The following GABRB1 variants were observed in gnomAD, a reference collection of about 807,000 sequenced individuals.
GABRB1 encodes the protein gamma-aminobutyric acid type A receptor subunit beta1, also known as gamma-aminobutyric acid receptor subunit beta-1.
A neutral mutation model predicts 51.6 loss-of-function variants in GABRB1; 17 were observed. The observed-to-expected ratio is 0.33, with a 90% CI of 0.23 to 0.49. The LOEUF is 0.49. Ranked by LOEUF, GABRB1 falls within the 20% of genes least tolerant of loss-of-function variation. The probability of loss-of-function intolerance (pLI) is 0.99; values close to 1 mark genes in which losing one functional copy is unlikely to be tolerated. For missense variants in GABRB1, 410 were observed against 600.6 expected (o/e 0.68, Z 3.32); for synonymous variants, 247 against 218.9 (o/e 1.13, Z -1.14).
intron 3 of GABRB1, among the ~76,000 whole-genome samples, chr4:47,160,284 G>A (rs1373085096): frequency 6.6e-6 from 1 of 152,080 alleles, no homozygotes; most frequent in African/African-American, 2.4e-5. Context: ...TTCCTGAAAT[G>A]AAACAGGAAT....
chr4:47,296,260 A>C (rs1298054097), intron 4 of GABRB1, among the ~76,000 whole-genome samples: 1 of 152,192 alleles, frequency 6.6e-6, no homozygotes, highest in East Asian at 1.9e-4. Context: ...ACATAACAAT[A>C]TTAACCTTAA....
At position 47,032,084 on chromosome 4, in the gene GABRB1, AAAG is replaced by A. The variant is rs376403161; in HGVS notation, c.172+82_172+84del. On this transcript the variant is annotated intron_variant, in intron 2 of 8. Transcript: ENST00000295454. ...TCAAAGATAAATGTCAAAAAAAAAA[AAAG>A]AAAAGGCATGTCATTTTCGTAAGCG... 4.3e-3 allele frequency: 3,716 copies of A among 867,876 alleles called. 115 individuals carry two copies. The highest frequency in any genetic ancestry group is 6.9e-3 in the East Asian group (238 of 34,470). The allele number at this position is 867,876 out of a possible 1,614,324, so 53.8% of individuals were successfully genotyped here. A position where few individuals can be genotyped will look rare whatever the true frequency, so the allele number is the denominator to read the frequency against.
chr4:47,235,480 C>T, intron 4 of GABRB1, among the ~76,000 whole-genome samples: 1 of 151,260 alleles, frequency 6.6e-6, no homozygotes, highest in Non-Finnish European at 1.5e-5. Context: ...ACCAGGGAGT[C>T]AGACGTTGCA....
intron 1 of GABRB1, among the ~76,000 whole-genome samples, chr4:46,996,071 T>G (rs1297831761): frequency 4.8e-5 from 2 of 41,896 alleles, no homozygotes; most frequent in South Asian, 4.7e-4. Flanking sequence ...TAACTTGAGG[T>G]TTTTTTTTTT....
chr4:47,265,103 C>G (rs1343163761), intron 4 of GABRB1, among the ~76,000 whole-genome samples: 1 of 152,012 alleles, frequency 6.6e-6, no homozygotes, highest in East Asian at 1.9e-4. Flanking sequence ...GTAACCATCA[C>G]TCCCCTCTCA....
chr4:47,226,762 T>C (rs1424062407), intron 4 of GABRB1, among the ~76,000 whole-genome samples: 2 of 152,186 alleles, frequency 1.3e-5, no homozygotes, highest in Non-Finnish European at 2.9e-5. Flanking sequence ...GCAGTTGTAC[T>C]ACATAGATGT....
At chr4:47,015,922 G>A (rs1292045447) in intron 1 of GABRB1, among the ~76,000 whole-genome samples, 1 of 152,034 alleles carries the variant, frequency 6.6e-6, no homozygotes, top group African/African-American at 2.4e-5. Flanking sequence ...TTCAGCTAAC[G>A]GTAGAACTAT....
At chr4:47,001,527 C>T (rs1015140575) in intron 1 of GABRB1, among the ~76,000 whole-genome samples, 13 of 152,068 alleles carry the variant, frequency 8.5e-5, no homozygotes, top group African/African-American at 3.1e-4. Flanking sequence ...AACAGATTAC[C>T]CTCCATAATT....
intron 4 of GABRB1, among the ~76,000 whole-genome samples, chr4:47,192,278 A>G (rs1235714285): frequency 6.6e-6 from 1 of 152,128 alleles, no homozygotes; most frequent in Non-Finnish European, 1.5e-5. Flanking sequence ...GTCAGCACCA[A>G]TGCTGATGAT....
intron 5 of GABRB1, among the ~76,000 whole-genome samples, chr4:47,326,575 A>G (rs186987440): frequency 6.6e-6 from 1 of 152,302 alleles, no homozygotes; most frequent in Non-Finnish European, 1.5e-5. Flanking sequence ...GCAATTTCAT[A>G]TATCTACTGA....
rs537571376 is a variant in GABRB1, at chr4:46,999,496, G to T, written c.-20+5570G>T. ...AAACAAATTAAATGTCATTTAACAGGGAAGTGGATACATTACATTGTGGTG... is the reference window on the plus strand; with the variant it reads ...AAACAAATTAAATGTCATTTAACAGTGAAGTGGATACATTACATTGTGGTG... On this transcript the variant is annotated intron_variant, in intron 1 of 3. Coordinates refer to the GABRB1 transcript ENST00000513567. Among the ~76,000 whole-genome samples, 8 of 152,188 alleles carry T rather than the reference G, an allele frequency of 5.3e-5. No homozygotes were observed. In the South Asian group the frequency reaches 1.7e-3, roughly 32 times the overall value.
intron 4 of GABRB1, among the ~76,000 whole-genome samples, chr4:47,273,080 A>T (rs1722937362): frequency 6.6e-6 from 1 of 152,176 alleles, no homozygotes; most frequent in South Asian, 2.1e-4. Context: ...TCCTAAGGAA[A>T]AAAGCCAAAA....
In GABRB1 at chr4:47,425,680, G is replaced by T. The variant is rs375590397; in HGVS notation, c.1087G>T (p.Ala363Ser). The change falls in exon 9 of 9, where the codon GCC (alanine) becomes TCC (serine). Residue 363 changes from alanine (A) to serine (S), a missense_variant. By Grantham distance (99) the Ala-to-Ser change is moderately conservative. This residue lies in a region of GABRB1 where 181 missense variants were observed against 195.6 expected (regional missense o/e 0.93). Coordinates refer to ENST00000295454, the MANE Select transcript of GABRB1 (RefSeq NM_000812.4). Reference sequence around the variant, plus strand: ...CTGTTCTTTTTGCCATCAGGTCGACGCCCACGGTAACATTCTCCTCAGCAC... The same window carrying T: ...CTGTTCTTTTTGCCATCAGGTCGACTCCCACGGTAACATTCTCCTCAGCAC... Reference protein sequence around the residue: ...KLEMNKVQVDAHGNILLSTLE... With the variant: ...KLEMNKVQVDSHGNILLSTLE... 3.1e-5 allele frequency: 50 copies of T among 1,594,170 alleles called. No homozygotes were observed. The highest frequency in any genetic ancestry group is 3.4e-6 in the Non-Finnish European group (4 of 1,169,098).
chr4:47,205,315 T>TCTTA (rs1429920129), intron 4 of GABRB1, among the ~76,000 whole-genome samples: 1 of 152,180 alleles, frequency 6.6e-6, no homozygotes, highest in Non-Finnish European at 1.5e-5. Context: ...TTCTTAGTTT[T>TCTTA]GTAGGATATA....
chr4:47,204,674 G>C (rs1213150457), intron 4 of GABRB1, among the ~76,000 whole-genome samples: 2 of 152,102 alleles, frequency 1.3e-5, no homozygotes, highest in Admixed American at 1.3e-4. Flanking sequence ...GGTATCATGT[G>C]ATCTGATGGT....
intron 3 of GABRB1, among the ~76,000 whole-genome samples, chr4:47,130,657 T>G (rs925157680): frequency 2.6e-5 from 4 of 152,196 alleles, no homozygotes; most frequent in African/African-American, 9.7e-5. Context: ...ATTACATTTG[T>G]AATTTTATAT....
chr4:47,000,160 A>G (rs11729961), intron 1 of GABRB1, among the ~76,000 whole-genome samples: 8,018 of 152,284 alleles, frequency 0.053, 331 homozygotes, highest in South Asian at 0.18. Flanking sequence ...TAATACCTTC[A>G]GCCAAATACT....
chr4:47,009,448 G>A (rs1300806848), intron 1 of GABRB1, among the ~76,000 whole-genome samples: 1 of 151,998 alleles, frequency 6.6e-6, no homozygotes, highest in Non-Finnish European at 1.5e-5. Flanking sequence ...ATTAACACAG[G>A]TAATCAACAC....
chr4:47,182,494 A>T (rs1370393879), intron 4 of GABRB1, among the ~76,000 whole-genome samples: 1 of 152,016 alleles, frequency 6.6e-6, no homozygotes, highest in African/African-American at 2.4e-5. Flanking sequence ...TTTTATGTGC[A>T]TAGGGAATAT....
Sources: gnomAD v4.1 joint callset for allele counts (sites outside exome capture counted in the v4.1 genomes callset) on GRCh38, gnomAD v4.1.1 for gene constraint, gnomAD v4.1.1 regional missense constraint, MANE v1.5 for transcripts, NCBI Gene and HGNC (gene_info 2026-07-23, HGNC 2026-07-21) for gene names.